Variants in APAF1 observed in about 807,000 individuals in gnomAD.
APAF1 encodes apoptotic peptidase activating factor 1.
A neutral mutation model predicts 152.4 loss-of-function variants in APAF1; 91 were observed. That is an observed-to-expected ratio of 0.60 (90% CI 0.50 to 0.71). The LOEUF (loss-of-function observed/expected upper bound fraction) is 0.71. Ranked by LOEUF, APAF1 falls within the 30% of genes least tolerant of loss-of-function variation. The pLI is 0.00. For missense variants in APAF1, 1,283 were observed against 1,472.0 expected (o/e 0.87, Z 2.10); for synonymous variants, 484 against 494.1 (o/e 0.98, Z 0.27).
intron 9 of APAF1, 106 bp downstream of exon 9, chr12:98,666,463 C>A: frequency 9.3e-7 from 1 of 1,071,474 alleles, no homozygotes; most frequent in Non-Finnish European, 1.4e-6. Context: ...ATAAGTCCTT[C>A]ACCTAGCTTC....
Position 98,704,155 on chromosome 12 carries a change from G to T in APAF1, c.2595+656G>T, listed in dbSNP as rs556536109. Among the ~76,000 whole-genome samples, 5 of 151,948 alleles carry T rather than the reference G, an allele frequency of 3.3e-5. No individual in the cohort carries two copies. The East Asian group carries it at 7.7e-4, about 24-fold the overall frequency. On this transcript the variant is annotated intron_variant, in intron 18 of 26. Transcript: ENST00000551964. ...TTTTTTTGTTTTTTAATAGAAATGG[G>T]GGTCTCACTGTGTTGCCCAGGCTGG...
At chr12:98,711,671 G>C (rs1166672452) in intron 20 of APAF1, among the ~76,000 whole-genome samples, 1 of 152,128 alleles carries the variant, frequency 6.6e-6, no homozygotes, top group Non-Finnish European at 1.5e-5. Flanking sequence ...TATTTTCCCA[G>C]GTCACATGTT....
intron 17 of APAF1, among the ~76,000 whole-genome samples, chr12:98,699,923 C>T (rs903138399): frequency 6.6e-6 from 1 of 152,166 alleles, no homozygotes; most frequent in African/African-American, 2.4e-5. Flanking sequence ...CTTTCTTCAT[C>T]ACTCCTTTTT....
In APAF1 at chr12:98,723,739, C is replaced by T. The variant is rs756653729; in HGVS notation, c.3305C>T (p.Ser1102Phe). 6.2e-7 allele frequency: 1 copy of T among 1,613,326 alleles called. No homozygotes were observed. Among genetic ancestry groups the T allele is most frequent in the Non-Finnish European group, 8.5e-7 (1 of 1,179,690 alleles). The change falls in exon 24 of 27, where the codon TCT (serine) becomes TTT (phenylalanine). Residue 1102 changes from serine to phenylalanine, a missense_variant. Transcript: ENST00000551964. ...TCTCACGATGCTACCAAGTTTTCAT[C>T]TACCTCTGCTGACAAGACTGCAAAG... ...DISHDATKFS[S>F]TSADKTAKIW...
At chr12:98,650,895 C>CT (rs1462916970) in intron 4 of APAF1, among the ~76,000 whole-genome samples, 1 of 151,634 alleles carries the variant, frequency 6.6e-6, no homozygotes, top group Non-Finnish European at 1.5e-5. Context: ...TATGAACTTT[C>CT]TTTGTGTATT....
chr12:98,659,995 C>T (rs921370458), intron 5 of APAF1, among the ~76,000 whole-genome samples: 8 of 152,102 alleles, frequency 5.3e-5, no homozygotes, highest in Non-Finnish European at 8.8e-5. Flanking sequence ...ACTTTGAATC[C>T]GTTATTTCTA....
chr12:98,665,922 TAG>T, intron 8 of APAF1, 131 bp downstream of exon 8: 1 of 833,968 alleles, frequency 1.2e-6, no homozygotes, highest in South Asian at 1.4e-5. Context: ...GTGTTGGGTG[TAG>T]AAATCCCTCT....
intron 21 of APAF1, 194 bp downstream of exon 21, chr12:98,712,629 A>T: frequency 5.4e-6 from 3 of 556,550 alleles, no homozygotes; most frequent in Non-Finnish European, 9.6e-6. Context: ...TGATTTTCCC[A>T]CTTAAGCCTC....
intron 16 of APAF1, among the ~76,000 whole-genome samples, chr12:98,695,628 T>C (rs1229848227): frequency 6.6e-6 from 1 of 152,236 alleles, no homozygotes; most frequent in Non-Finnish European, 1.5e-5. Context: ...AGACTTTCTC[T>C]TAATTTTCCT....
At chr12:98,693,233 T>C (rs1293998782) in intron 16 of APAF1, among the ~76,000 whole-genome samples, 4 of 152,080 alleles carry the variant, frequency 2.6e-5, no homozygotes, top group African/African-American at 9.7e-5. Flanking sequence ...AGCTTTAATG[T>C]TATTGATGTA....
At chr12:98,691,466 TG>T (rs2097704151) in intron 16 of APAF1, among the ~76,000 whole-genome samples, 1 of 152,210 alleles carries the variant, frequency 6.6e-6, no homozygotes, top group Admixed American at 6.5e-5. Context: ...CCTTCATGAC[TG>T]GGCTTCTTAA....
At chr12:98,659,878 T>G (rs1425456335) in intron 5 of APAF1, among the ~76,000 whole-genome samples, 1 of 152,226 alleles carries the variant, frequency 6.6e-6, no homozygotes, top group East Asian at 1.9e-4. Flanking sequence ...TTTTTCTCTT[T>G]GCATGCTACC....
chr12:98,684,074 A>G (rs2097695300), intron 15 of APAF1, among the ~76,000 whole-genome samples: 1 of 152,086 alleles, frequency 6.6e-6, no homozygotes, highest in Non-Finnish European at 1.5e-5. Context: ...ATACCATACC[A>G]TCTTTGCAAT....
In APAF1 at chr12:98,648,757, C is replaced by A. The variant is rs770761439; in HGVS notation, c.270C>A (p.Gly90=). The change falls in exon 3 of 27, where the codon GGC becomes GGA. Residue 90 remains glycine (G), a synonymous_variant. Transcript: ENST00000551964. Reference sequence around the variant, plus strand: ...ATCTTGCTGCCCTTCTCCATGATGGCATTCCTGTTGTCTCTTCTTCCAGTG... The same window carrying A: ...ATCTTGCTGCCCTTCTCCATGATGGAATTCCTGTTGTCTCTTCTTCCAGTG... ...YKDLAALLHD[G]IPVVSSSSGK... The A allele has an allele frequency of 1.2e-6, 2 of 1,613,918 alleles. No homozygotes were observed. Among genetic ancestry groups the A allele is most frequent in the African/African-American group, 2.7e-5 (2 of 74,938 alleles).
chr12:98,703,565 C>T (rs2097718106), intron 18 of APAF1, 66 bp downstream of exon 18: 2 of 1,592,240 alleles, frequency 1.3e-6, no homozygotes, highest in African/African-American at 2.7e-5. Context: ...AGAGAATGGG[C>T]AGCTTAAACC....
chr12:98,670,916 AC>A, intron 10 of APAF1, 56 bp from the exon 11 acceptor site: 2 of 976,154 alleles, frequency 2.0e-6, no homozygotes, highest in Non-Finnish European at 3.3e-6. Flanking sequence ...ATGATGTTAT[AC>A]CTAAAATTTT....
Position 98,706,558 on chromosome 12 carries a change from T to A in APAF1, c.2669T>A (p.Phe890Tyr). 1 of 1,614,058 alleles carries A rather than the reference T, an allele frequency of 6.2e-7. No individual in the cohort carries two copies. The highest frequency in any genetic ancestry group is 8.5e-7 in the Non-Finnish European group (1 of 1,179,936). The change falls in exon 19 of 27, where the codon TTT (phenylalanine) becomes TAT (tyrosine). Residue 890 changes from phenylalanine to tyrosine, a missense_variant. By Grantham distance (22) the Phe-to-Tyr change is conservative. Coordinates refer to ENST00000551964, the MANE Select transcript of APAF1 (RefSeq NM_181861.2). The part of the protein sequence containing the change: ...GHLSWVHGVM[F>Y]SPDGSSFLTS... ...TTAAGTTGGGTTCATGGTGTGATGTTTTCTCCTGATGGATCATCATTTTTG... is the reference window on the plus strand; with the variant it reads ...TTAAGTTGGGTTCATGGTGTGATGTATTCTCCTGATGGATCATCATTTTTG...
chr12:98,725,472 G>A lies in APAF1; in HGVS notation c.3388G>A (p.Val1130Met). 6.2e-7 allele frequency: 1 copy of A among 1,614,166 alleles called. No homozygotes were observed. The highest frequency in any genetic ancestry group is 8.5e-7 in the Non-Finnish European group (1 of 1,180,032). Reference sequence around the variant, plus strand: ...TGAATTGAGGGGCCACAACGGCTGTGTGCGCTGCTCTGCCTTCTCTGTGGA... The same window carrying A: ...TGAATTGAGGGGCCACAACGGCTGTATGCGCTGCTCTGCCTTCTCTGTGGA... ...LHELRGHNGC[V>M]RCSAFSVDST... Residue 1130 changes from valine to methionine, a missense_variant, in exon 25 of 27, where the codon GTG becomes ATG. Coordinates refer to ENST00000551964, the MANE Select transcript of APAF1 (RefSeq NM_181861.2).
At chr12:98,662,347 T>TA (rs1472377713) in intron 5 of APAF1, 109 bp from the exon 6 acceptor site, 4 of 795,796 alleles carry the variant, frequency 5.0e-6, no homozygotes, top group Non-Finnish European at 6.2e-6. Context: ...CTATTTGTTT[T>TA]AAAAAAAATT....
Sources: allele counts gnomAD v4.1 joint callset (sites outside exome capture counted in the v4.1 genomes callset), GRCh38; gene constraint gnomAD v4.1.1; transcripts MANE v1.5; gene names NCBI Gene and HGNC (gene_info 2026-07-23, HGNC 2026-07-21).